ANO4: variants seen among roughly 807,000 people sequenced by gnomAD.
The protein encoded by ANO4 is anoctamin-4.
ANO4 carries 69 observed loss-of-function variants against 141.9 expected under a neutral mutation model. The ratio of observed to expected loss-of-function variants is 0.49; its 90% CI spans 0.40 to 0.59. The LOEUF is 0.59. Among genes scored for constraint, ANO4 ranks in the 20% least tolerant of loss-of-function variants. ANO4 has a pLI of 0.00. For synonymous variants in ANO4, 350 were observed against 394.3 expected (o/e 0.89, Z 1.33); for missense variants, 894 against 1,162.2 (o/e 0.77, Z 3.36).
upstream of ANO4, among the ~76,000 whole-genome samples, chr12:100,791,624 G>A (rs2034050800): frequency 6.6e-6 from 1 of 152,176 alleles, no homozygotes; most frequent in African/African-American, 2.4e-5. Context: ...ATGTAACATG[G>A]TGGGAAGGGT....
Position 100,994,889 on chromosome 12 carries a change from G to A in ANO4, c.734+7219G>A, listed in dbSNP as rs143288488. On this transcript the variant is annotated intron_variant, in intron 8 of 27. Transcript: ENST00000392977. ...TGTCAGTGAGGGGTAATTTGACAAC[G>A]TCTAGAAAAATTTTTGGTTGTCACA... is the stretch of plus-strand genomic sequence containing the variant. Among the ~76,000 whole-genome samples the A allele has an allele frequency of 1.9e-3, 293 of 152,142 alleles. 2 individuals are homozygous for A. The East Asian group carries it at 0.042, about 22-fold the overall frequency.
intron 6 of ANO4, among the ~76,000 whole-genome samples, chr12:100,972,911 A>T (rs1470165299): frequency 1.3e-5 from 2 of 152,196 alleles, no homozygotes; most frequent in Non-Finnish European, 2.9e-5. Flanking sequence ...CCTGCAAAGG[A>T]TTTTGTATCT....
rs184552864 is a variant in ANO4, at chr12:100,742,127, C to T, written c.358+2022C>T. The stretch of plus-strand genomic sequence containing the variant: ...TTCCAAGCAACTGCTTATTATTATT[C>T]TTACTATTAGTATCCTAACAAAGTA... On this transcript the variant is annotated intron_variant, in intron 3 of 29. Transcript: ENST00000644049. Among the ~76,000 whole-genome samples, 32 of 152,154 alleles carry T rather than the reference C, an allele frequency of 2.1e-4. No homozygotes were observed. The East Asian group carries it at 6.0e-3, about 28-fold the overall frequency.
chr12:100,838,955 G>C (rs1303531021), intron 1 of ANO4, among the ~76,000 whole-genome samples: 1 of 152,168 alleles, frequency 6.6e-6, no homozygotes, highest in Non-Finnish European at 1.5e-5. Flanking sequence ...AGATGAAACA[G>C]AAGGGAGACT....
intron 17 of ANO4, among the ~76,000 whole-genome samples, chr12:101,090,891 A>G (rs1390655506): frequency 6.6e-6 from 1 of 152,182 alleles, no homozygotes; most frequent in Non-Finnish European, 1.5e-5. Context: ...CTATTTCAAG[A>G]CACAGCCTAG....
At chr12:100,948,866 G>T (rs747277398) in intron 5 of ANO4, among the ~76,000 whole-genome samples, 2 of 152,102 alleles carry the variant, frequency 1.3e-5, no homozygotes, top group Non-Finnish European at 2.9e-5. Flanking sequence ...CAAATTTAAT[G>T]GGATGTCACT....
intron 3 of ANO4, among the ~76,000 whole-genome samples, chr12:100,774,945 A>C (rs562922309): frequency 6.6e-6 from 1 of 152,340 alleles, no homozygotes; most frequent in South Asian, 2.1e-4. Context: ...AATCAAGTGT[A>C]ATTTCTTATG....
intron 2 of ANO4, among the ~76,000 whole-genome samples, chr12:100,916,610 G>T (rs1435459590): frequency 6.6e-6 from 1 of 152,090 alleles, no homozygotes; most frequent in African/African-American, 2.4e-5. Context: ...CATTTTCTTT[G>T]TCTGCTTCAT....
intron 1 of ANO4, among the ~76,000 whole-genome samples, chr12:100,837,611 T>TA (rs2036999114): frequency 6.6e-6 from 1 of 150,456 alleles, no homozygotes; most frequent in African/African-American, 2.5e-5. Context: ...CCACTTCTGT[T>TA]AAAACAAATT....
At chr12:101,051,320 T>C (rs2047859813) in intron 14 of ANO4, among the ~76,000 whole-genome samples, 1 of 152,184 alleles carries the variant, frequency 6.6e-6, no homozygotes, top group African/African-American at 2.4e-5. Context: ...TGGAGTATAC[T>C]TTGTAAGACT....
intron 1 of ANO4, among the ~76,000 whole-genome samples, chr12:100,808,976 TAGTA>T (rs1480715101): frequency 6.6e-6 from 1 of 152,248 alleles, no homozygotes; most frequent in African/African-American, 2.4e-5. Flanking sequence ...TTAATTAGCT[TAGTA>T]AGCACTTAAT....
chr12:100,752,185 C>G (rs2032414172), intron 3 of ANO4, among the ~76,000 whole-genome samples: 1 of 151,838 alleles, frequency 6.6e-6, no homozygotes, highest in South Asian at 2.1e-4. Flanking sequence ...TAACTGTCTC[C>G]TTCTCATATT....
rs530742444 is a variant in ANO4 at position 101,036,170 on chromosome 12, C to T, written c.842-925C>T. Reference sequence around the variant, plus strand: ...CCACGGTGAAGTATCATCTCACACCCGTTAGAATGGCTCTTATCAAAAAGT... The same window carrying T: ...CCACGGTGAAGTATCATCTCACACCTGTTAGAATGGCTCTTATCAAAAAGT... On this transcript the variant is annotated intron_variant, in intron 9 of 27. Coordinates refer to ENST00000392977, the MANE Select transcript of ANO4 (RefSeq NM_001286615.2). Among the ~76,000 whole-genome samples, 28 of 152,160 alleles carry T rather than the reference C, an allele frequency of 1.8e-4. No homozygotes were observed. In the East Asian group the frequency reaches 4.8e-3, roughly 26 times the overall value.
chr12:100,858,393 T>C (rs1180634406), intron 1 of ANO4, among the ~76,000 whole-genome samples: 2 of 152,182 alleles, frequency 1.3e-5, no homozygotes, highest in Admixed American at 6.6e-5. Flanking sequence ...ATCATATATG[T>C]GGTCCGTCAT....
At chr12:100,945,035 C>T (rs529569723) in intron 5 of ANO4, among the ~76,000 whole-genome samples, 18 of 152,212 alleles carry the variant, frequency 1.2e-4, no homozygotes, top group Middle Eastern at 3.4e-3. Context: ...GAACTTAGTT[C>T]AGGGTGGAAA....
chr12:100,913,627 G>C (rs186846664), intron 2 of ANO4, among the ~76,000 whole-genome samples: 1 of 152,312 alleles, frequency 6.6e-6, no homozygotes, highest in African/African-American at 2.4e-5. Flanking sequence ...CACAGTTTCA[G>C]ATATCCACTG....
intron 14 of ANO4, among the ~76,000 whole-genome samples, chr12:101,062,137 C>T (rs113905132): frequency 6.6e-6 from 1 of 152,196 alleles, no homozygotes; most frequent in African/African-American, 2.4e-5. Context: ...AGCAGCCAGA[C>T]CCCTCTGCTG....
At chr12:100,894,762 T>A (rs998372544) in intron 1 of ANO4, among the ~76,000 whole-genome samples, 1 of 151,756 alleles carries the variant, frequency 6.6e-6, no homozygotes, top group African/African-American at 2.4e-5. Flanking sequence ...GTCAGGAGAT[T>A]GAGACCATCC....
At chr12:100,756,584 G>A (rs1407797421) in intron 3 of ANO4, among the ~76,000 whole-genome samples, 1 of 152,086 alleles carries the variant, frequency 6.6e-6, no homozygotes, top group African/African-American at 2.4e-5. Flanking sequence ...TCCTGACCTT[G>A]TGATTCACCC....
Sources: allele counts gnomAD v4.1 joint callset (sites outside exome capture counted in the v4.1 genomes callset), GRCh38; gene constraint gnomAD v4.1.1; transcripts MANE v1.5; gene names NCBI Gene and HGNC (gene_info 2026-07-23, HGNC 2026-07-21).